MAP4K4: variants seen among roughly 807,000 people sequenced by gnomAD.
MAP4K4 encodes mitogen-activated protein kinase kinase kinase kinase 4.
MAP4K4 carries 38 observed loss-of-function variants against 189.6 expected under a neutral mutation model. That is an observed-to-expected ratio of 0.20 (90% CI 0.15 to 0.26). The LOEUF is 0.26. Ranked by LOEUF, MAP4K4 falls within the 10% of genes least tolerant of loss-of-function variation. MAP4K4 has a pLI of 1.00. For synonymous variants in MAP4K4, 610 were observed against 624.3 expected (o/e 0.98, Z 0.34); for missense variants, 1,054 against 1,726.9 (o/e 0.61, Z 6.91).
chr2:101,743,394 C>T (rs1192910639), intron 2 of MAP4K4, among the ~76,000 whole-genome samples: 1 of 152,038 alleles, frequency 6.6e-6, no homozygotes, highest in Non-Finnish European at 1.5e-5. Flanking sequence ...TAAGGAAGAG[C>T]GTTGATTTGA....
intron 24 of MAP4K4, among the ~76,000 whole-genome samples, chr2:101,872,755 A>T (rs1363935633): frequency 6.6e-6 from 1 of 152,160 alleles, no homozygotes; most frequent in African/African-American, 2.4e-5. Flanking sequence ...GGTGACCCTC[A>T]GGTGTCCATG....
Position 101,787,107 on chromosome 2 carries a change from G to GA in MAP4K4, c.124-3605dup, listed in dbSNP as rs1050795115. ...TATTTAAAGAATGGATGATACAAGG[G>GA]AAAAAAAAGACCCTGTTAAATATTA... On this transcript the variant is annotated intron_variant, in intron 2 of 32. Transcript: ENST00000324219. 9.9e-5 allele frequency among the ~76,000 whole-genome samples: 15 copies of GA among 151,792 alleles called. No homozygotes were observed. In the South Asian group the frequency reaches 1.3e-3, roughly 13 times the overall value.
chr2:101,852,560 GGTTGAA>G (rs1386684778), intron 12 of MAP4K4, among the ~76,000 whole-genome samples: 1 of 152,146 alleles, frequency 6.6e-6, no homozygotes, highest in East Asian at 1.9e-4. Flanking sequence ...AGAAGGTTTC[GGTTGAA>G]GTTGAACTTT....
At chr2:101,891,106 C>T in intron 32 of MAP4K4, 60 bp from the exon 33 acceptor site, 1 of 1,341,718 alleles carries the variant, frequency 7.5e-7, no homozygotes, top group Non-Finnish European at 1.1e-6. Context: ...GCTTAGATTC[C>T]CTGGCTGGAA....
At chr2:101,844,060 T>C in intron 11 of MAP4K4, 41 bp from the exon 12 acceptor site, 1 of 1,411,132 alleles carries the variant, frequency 7.1e-7, no homozygotes. Flanking sequence ...TAGGACAGTG[T>C]GATCGGTGCA....
chr2:101,854,744 T>A (rs1047922214), intron 12 of MAP4K4, among the ~76,000 whole-genome samples: 8 of 152,200 alleles, frequency 5.3e-5, no homozygotes, highest in Non-Finnish European at 8.8e-5. Context: ...CTGATAGCTT[T>A]ACCCTAAGCT....
intron 28 of MAP4K4, among the ~76,000 whole-genome samples, chr2:101,883,084 C>T (rs780055340): frequency 2.0e-5 from 3 of 152,190 alleles, no homozygotes; most frequent in Non-Finnish European, 4.4e-5. Flanking sequence ...TCCTTTTTTA[C>T]ATGCCAGGCT....
chr2:101,745,020 T>C (rs1352591839), intron 2 of MAP4K4, among the ~76,000 whole-genome samples: 1 of 152,160 alleles, frequency 6.6e-6, no homozygotes, highest in African/African-American at 2.4e-5. Context: ...ATCACCTTTT[T>C]AGTATGCTGC....
At chr2:101,833,642 T>C (rs1333843035) in intron 7 of MAP4K4, among the ~76,000 whole-genome samples, 4 of 150,446 alleles carry the variant, frequency 2.7e-5, no homozygotes, top group Non-Finnish European at 5.9e-5. Flanking sequence ...AAAAGAAATA[T>C]CATCTGATAA....
chr2:101,866,943 T>G (rs1364096011), intron 19 of MAP4K4, among the ~76,000 whole-genome samples: 1 of 151,578 alleles, frequency 6.6e-6, no homozygotes, highest in East Asian at 2.0e-4. Context: ...GAGTGAATAT[T>G]CCCTCTACTG....
At chr2:101,722,729 GTGT>G (rs1212544952) in intron 2 of MAP4K4, among the ~76,000 whole-genome samples, 3 of 152,168 alleles carry the variant, frequency 2.0e-5, no homozygotes, top group African/African-American at 7.2e-5. Flanking sequence ...AAGGATACCT[GTGT>G]TGTTTTTGGA....
intron 2 of MAP4K4, among the ~76,000 whole-genome samples, chr2:101,725,069 C>G (rs2054467567): frequency 6.6e-6 from 1 of 152,170 alleles, no homozygotes; most frequent in African/African-American, 2.4e-5. Flanking sequence ...GAAATGCACT[C>G]TGTGATGTGA....
At chr2:101,875,856 G>C (rs1292031203) in intron 26 of MAP4K4, among the ~76,000 whole-genome samples, 1 of 152,210 alleles carries the variant, frequency 6.6e-6, no homozygotes, top group Non-Finnish European at 1.5e-5. Context: ...CCAGTCCAAG[G>C]CTTTTGGAAC....
chr2:101,767,178 G>T (rs2078987420), intron 2 of MAP4K4, among the ~76,000 whole-genome samples: 1 of 152,164 alleles, frequency 6.6e-6, no homozygotes, highest in Non-Finnish European at 1.5e-5. Flanking sequence ...GGGATTTGTT[G>T]ACTATGAAAA....
At chr2:101,772,273 C>T (rs938966001) in intron 2 of MAP4K4, among the ~76,000 whole-genome samples, 1 of 152,196 alleles carries the variant, frequency 6.6e-6, no homozygotes, top group East Asian at 1.9e-4. Context: ...CCAATTGTCT[C>T]CCCAGGTGTC....
intron 14 of MAP4K4, 62 bp from the exon 15 acceptor site, chr2:101,859,581 C>T: frequency 1.6e-6 from 2 of 1,267,602 alleles, no homozygotes; most frequent in Non-Finnish European, 2.2e-6. Flanking sequence ...CCGAACAAAT[C>T]CAGAGAAGAG....
intron 15 of MAP4K4, 37 bp downstream of exon 15, chr2:101,859,901 G>T: frequency 6.4e-7 from 1 of 1,554,214 alleles, no homozygotes; most frequent in Non-Finnish European, 8.7e-7. Context: ...CATTGCCCTG[G>T]AAAGTCGTAT....
chr2:101,785,741 T>C (rs1373044491), intron 2 of MAP4K4, among the ~76,000 whole-genome samples: 15 of 8,616 alleles, frequency 1.7e-3, no homozygotes, highest in East Asian at 5.1e-3. Context: ...TCTCTCTCTC[T>C]CTCTCTCTCT....
intron 12 of MAP4K4, among the ~76,000 whole-genome samples, chr2:101,846,239 C>G (rs2097105828): frequency 6.6e-6 from 1 of 152,216 alleles, no homozygotes; most frequent in Non-Finnish European, 1.5e-5. Context: ...CGTAATAAAT[C>G]TTGAATGAGT....
Sources: gnomAD v4.1 joint callset for allele counts (sites outside exome capture counted in the v4.1 genomes callset) on GRCh38, gnomAD v4.1.1 for gene constraint, MANE v1.5 for transcripts, NCBI Gene and HGNC (gene_info 2026-07-23, HGNC 2026-07-21) for gene names.